HPSE2: variants seen among roughly 807,000 people sequenced by gnomAD.
HPSE2 encodes the protein inactive heparanase-2.
HPSE2 carries 38 observed loss-of-function variants against 60.5 expected under a neutral mutation model. That is an observed-to-expected ratio of 0.63 (90% CI 0.48 to 0.82). HPSE2 has a LOEUF of 0.82. Among genes scored for constraint, HPSE2 ranks in the 40% least tolerant of loss-of-function variants. The pLI is 0.00. For missense variants in HPSE2, 713 were observed against 740.4 expected (o/e 0.96, Z 0.43); for synonymous variants, 295 against 293.2 (o/e 1.01, Z -0.06).
intron 9 of HPSE2, among the ~76,000 whole-genome samples, chr10:98,535,660 G>C (rs139859217): frequency 1.0e-3 from 157 of 152,176 alleles, no homozygotes; most frequent in African/African-American, 3.7e-3. Context: ...CTGAAAGCTT[G>C]GTTACCTGTT....
At chr10:98,846,431 G>A (rs1952036384) in intron 3 of HPSE2, among the ~76,000 whole-genome samples, 1 of 152,176 alleles carries the variant, frequency 6.6e-6, no homozygotes. Context: ...TACAGCACAA[G>A]GCTGTAGTGA....
chr10:99,233,518 G>C (rs1849738741), intron 1 of HPSE2, among the ~76,000 whole-genome samples: 1 of 152,196 alleles, frequency 6.6e-6, no homozygotes, highest in African/African-American at 2.4e-5. Context: ...GAGTAGAAAA[G>C]GAGCAATGCA....
At chr10:98,567,980 A>G (rs1389189244) in intron 9 of HPSE2, among the ~76,000 whole-genome samples, 1 of 152,178 alleles carries the variant, frequency 6.6e-6, no homozygotes, top group Admixed American at 6.5e-5. Flanking sequence ...AGCATGCCAG[A>G]TGTGCAAAGG....
At chr10:99,071,569 T>G (rs1254742294) in intron 3 of HPSE2, among the ~76,000 whole-genome samples, 1 of 152,234 alleles carries the variant, frequency 6.6e-6, no homozygotes, top group Non-Finnish European at 1.5e-5. Context: ...ATTTCCCTTA[T>G]AAGTAATGTT....
chr10:99,192,727 G>A (rs1848263510), intron 2 of HPSE2, among the ~76,000 whole-genome samples: 1 of 152,124 alleles, frequency 6.6e-6, no homozygotes, highest in Middle Eastern at 3.4e-3. Context: ...ACTGTGCCTG[G>A]GCAGCATTAC....
intron 3 of HPSE2, among the ~76,000 whole-genome samples, chr10:98,960,842 A>G (rs1955658559): frequency 1.4e-5 from 2 of 144,956 alleles, no homozygotes; most frequent in Admixed American, 1.4e-4. Flanking sequence ...GCACCCACTA[A>G]TGAGTCCTCT....
At chr10:99,178,445 C>T (rs747030491) in intron 2 of HPSE2, among the ~76,000 whole-genome samples, 3 of 152,118 alleles carry the variant, frequency 2.0e-5, no homozygotes, top group Non-Finnish European at 4.4e-5. Flanking sequence ...GAGATCACCA[C>T]TGATCCCACA....
the HPSE2 span, among the ~76,000 whole-genome samples, chr10:99,305,969 G>GCACACACACACACACACACACA: frequency 5.9e-5 from 3 of 50,922 alleles, no homozygotes; most frequent in East Asian, 4.5e-4. Context: ...ACACGCGCGC[G>GCACACACACACACACACACACA]CGCGCGCGCG....
At chr10:99,017,353 C>A (rs1453350288) in intron 3 of HPSE2, among the ~76,000 whole-genome samples, 3 of 152,166 alleles carry the variant, frequency 2.0e-5, no homozygotes, top group African/African-American at 7.2e-5. Flanking sequence ...GTTGCACCAA[C>A]CTTGCATCCC....
At chr10:98,816,977 C>A (rs900721713) in intron 3 of HPSE2, among the ~76,000 whole-genome samples, 4 of 151,888 alleles carry the variant, frequency 2.6e-5, no homozygotes, top group Admixed American at 1.3e-4. Context: ...GGATGAGGTA[C>A]CTACAACAAA....
chr10:98,592,783 T>A (rs1945125602), intron 9 of HPSE2, among the ~76,000 whole-genome samples: 1 of 152,206 alleles, frequency 6.6e-6, no homozygotes, highest in Non-Finnish European at 1.5e-5. Flanking sequence ...GCGTTTTATT[T>A]GAGTTGGTAT....
chr10:98,808,461 A>G (rs1951092989), intron 3 of HPSE2, among the ~76,000 whole-genome samples: 1 of 152,170 alleles, frequency 6.6e-6, no homozygotes, highest in African/African-American at 2.4e-5. Context: ...AATAAAATAC[A>G]CTTTCTAGCA....
chr10:98,571,429 T>C (rs1944489993), intron 9 of HPSE2, among the ~76,000 whole-genome samples: 2 of 152,134 alleles, frequency 1.3e-5, no homozygotes, highest in Admixed American at 6.5e-5. Context: ...AGGAGACCAA[T>C]GTGTAATGAA....
At chr10:99,037,976 A>C (rs541147443) in intron 3 of HPSE2, among the ~76,000 whole-genome samples, 1 of 152,310 alleles carries the variant, frequency 6.6e-6, no homozygotes, top group Admixed American at 6.5e-5. Context: ...AATGCAAATT[A>C]AGACCATGAT....
chr10:98,582,916 C>T (rs1389104545), intron 9 of HPSE2, among the ~76,000 whole-genome samples: 1 of 152,126 alleles, frequency 6.6e-6, no homozygotes, highest in Admixed American at 6.6e-5. Flanking sequence ...TACCCCCTGC[C>T]ACCCCCAACC....
At chr10:99,005,140 G>C (rs1037858122) in intron 3 of HPSE2, among the ~76,000 whole-genome samples, 1 of 152,098 alleles carries the variant, frequency 6.6e-6, no homozygotes, top group African/African-American at 2.4e-5. Context: ...TGTGTGAACT[G>C]AATTTGATTG....
intron 3 of HPSE2, among the ~76,000 whole-genome samples, chr10:98,775,773 G>A (rs1950327116): frequency 6.6e-6 from 1 of 152,082 alleles, no homozygotes; most frequent in Non-Finnish European, 1.5e-5. Context: ...CTCCAGGCCA[G>A]CGATATCAAT....
chr10:98,942,863 A>C (rs1285403671), intron 3 of HPSE2, among the ~76,000 whole-genome samples: 1 of 152,008 alleles, frequency 6.6e-6, no homozygotes, highest in Admixed American at 6.6e-5. Context: ...TGGATTAAGA[A>C]AATGTGGCAC....
intron 11 of HPSE2, among the ~76,000 whole-genome samples, chr10:98,471,522 C>T (rs192020916): frequency 4.6e-5 from 7 of 152,244 alleles, no homozygotes; most frequent in African/African-American, 1.7e-4. Flanking sequence ...TTTTTGAGTG[C>T]CATGTCAGGA....
Sources: gnomAD v4.1 joint callset for allele counts (sites outside exome capture counted in the v4.1 genomes callset) on GRCh38, gnomAD v4.1.1 for gene constraint, MANE v1.5 for transcripts, NCBI Gene and HGNC (gene_info 2026-07-23, HGNC 2026-07-21) for gene names.